The following BPTF variants were observed in gnomAD, a reference collection of about 807,000 sequenced individuals.
BPTF encodes the protein bromodomain PHD finger transcription factor.
Under a neutral mutation model 292.5 loss-of-function variants are expected in BPTF, and 18 were observed. The observed-to-expected ratio is 0.06, with a 90% confidence interval of 0.04 to 0.09. BPTF has a LOEUF of 0.09. BPTF is among the 10% of genes least tolerant of loss of function. The pLI, the probability that BPTF is intolerant of heterozygous loss-of-function variation, is 1.00. For synonymous variants in BPTF, 1,225 were observed against 1,251.9 expected, an observed-to-expected ratio of 0.98 and a Z score of 0.45; for missense variants, 2,726 against 3,498.7, an observed-to-expected ratio of 0.78 and a Z score of 5.57.
chr17:67,958,244 A>T (rs542415553), intron 23 of BPTF, among the ~76,000 whole-genome samples: 1 of 152,204 alleles, frequency 6.6e-6, no homozygotes, highest in South Asian at 2.1e-4. Context: ...AGGTGGGAGG[A>T]TCACTTGAGC....
chr17:67,860,721 CATTAT>C (rs1211725836), intron 2 of BPTF, among the ~76,000 whole-genome samples: 1 of 152,158 alleles, frequency 6.6e-6, no homozygotes, highest in Non-Finnish European at 1.5e-5. Flanking sequence ...GTGAACACAG[CATTAT>C]ATTTCATTTT....
intron 2 of BPTF, among the ~76,000 whole-genome samples, chr17:67,863,182 A>T (rs1193701126): frequency 2.0e-5 from 3 of 152,140 alleles, no homozygotes; most frequent in African/African-American, 7.2e-5. Context: ...TTTCAAAGAG[A>T]ATCTGTTCCA....
At chr17:67,838,879 A>G (rs2057339040) in intron 1 of BPTF, among the ~76,000 whole-genome samples, 1 of 152,280 alleles carries the variant, frequency 6.6e-6, no homozygotes, top group Non-Finnish European at 1.5e-5. Context: ...GTGTATAAAA[A>G]TACCTGCTCT....
chr17:67,918,909 A>C, intron 12 of BPTF, 71 bp downstream of exon 12: 1 of 1,518,178 alleles, frequency 6.6e-7, no homozygotes, highest in Non-Finnish European at 9.0e-7. Flanking sequence ...GTGGGCGCTC[A>C]TGCCTGTAAT....
chr17:67,954,849 G>T (rs562002777), intron 23 of BPTF, among the ~76,000 whole-genome samples: 1 of 152,282 alleles, frequency 6.6e-6, no homozygotes, highest in Admixed American at 6.5e-5. Flanking sequence ...AAGAAGTTCA[G>T]TCTCTCTCTA....
At chr17:67,846,149 T>G (rs7224923) in intron 1 of BPTF, among the ~76,000 whole-genome samples, 31,044 of 152,108 alleles carry the variant, frequency 0.2, 3,980 homozygotes, top group East Asian at 0.66. Context: ...ATAAAAGAAG[T>G]TATCCCATTA....
intron 4 of BPTF, chr17:67,886,327 A>G (rs1381893316): frequency 1.3e-6 from 2 of 1,543,428 alleles, no homozygotes; most frequent in African/African-American, 1.4e-5. Flanking sequence ...GTAAGAATAT[A>G]CTTCATCCAT....
chr17:67,892,533 G>A (rs1331835879), intron 5 of BPTF, among the ~76,000 whole-genome samples: 4 of 152,254 alleles, frequency 2.6e-5, no homozygotes, highest in East Asian at 3.9e-4. Context: ...GCTAGGACTC[G>A]GTATCTCTGT....
At chr17:67,958,938 C>T (rs1209208827) in intron 23 of BPTF, among the ~76,000 whole-genome samples, 1 of 151,850 alleles carries the variant, frequency 6.6e-6, no homozygotes, top group Non-Finnish European at 1.5e-5. Flanking sequence ...TTGACAAGAG[C>T]GAAACTGCAT....
chr17:67,965,745 C>T (rs1293671353), intron 25 of BPTF: 22 of 151,178 alleles, frequency 1.5e-4, no homozygotes, highest in African/African-American at 4.9e-4. Context: ...GCAGGATTAT[C>T]AAGTGATACA....
intron 7 of BPTF, among the ~76,000 whole-genome samples, chr17:67,899,607 T>A (rs964378008): frequency 6.6e-6 from 1 of 151,154 alleles, no homozygotes; most frequent in African/African-American, 2.4e-5. Context: ...CTCAGCTCAC[T>A]GCAACCTCCA....
At chr17:67,932,902 A>G (rs781689906) in intron 18 of BPTF, among the ~76,000 whole-genome samples, 9 of 152,180 alleles carry the variant, frequency 5.9e-5, no homozygotes, top group African/African-American at 1.4e-4. Flanking sequence ...ATAAAATTCA[A>G]TGTTTAATAA....
chr17:67,980,475 A>G (rs1371420368), intron 27 of BPTF, among the ~76,000 whole-genome samples: 1 of 152,224 alleles, frequency 6.6e-6, no homozygotes, highest in African/African-American at 2.4e-5. Flanking sequence ...ATGCTTTTTC[A>G]TTTGTACATC....
chr17:67,846,676 A>G (rs1450744182), intron 1 of BPTF, among the ~76,000 whole-genome samples: 1 of 152,176 alleles, frequency 6.6e-6, no homozygotes, highest in East Asian at 1.9e-4. Flanking sequence ...CTAATATAGT[A>G]GTAAAGACCA....
chr17:67,916,787 A>C (rs947184747), intron 11 of BPTF, among the ~76,000 whole-genome samples: 1 of 150,304 alleles, frequency 6.7e-6, no homozygotes, highest in African/African-American at 2.4e-5. Flanking sequence ...AAAAAAAAAG[A>C]AAGCATTGCC....
At chr17:67,827,526 G>A (rs1435480222) in intron 1 of BPTF, among the ~76,000 whole-genome samples, 1 of 152,042 alleles carries the variant, frequency 6.6e-6, no homozygotes, top group African/African-American at 2.4e-5. Flanking sequence ...TGCAAATCTA[G>A]ATTAATTAAA....
chr17:67,917,400 G>C (rs899134493), intron 11 of BPTF, among the ~76,000 whole-genome samples: 4 of 152,026 alleles, frequency 2.6e-5, no homozygotes, highest in Non-Finnish European at 5.9e-5. Flanking sequence ...TGGGATTACA[G>C]GTGTGAGCCA....
At chr17:67,884,138 C>CTTT (rs200471908) in intron 4 of BPTF, among the ~76,000 whole-genome samples, 35 of 134,470 alleles carry the variant, frequency 2.6e-4, no homozygotes, top group African/African-American at 7.3e-4. Flanking sequence ...CATTTTCTTT[C>CTTT]TTTTTTTTTT....
At chr17:67,884,876 T>C (rs2060651366) in intron 4 of BPTF, among the ~76,000 whole-genome samples, 1 of 152,222 alleles carries the variant, frequency 6.6e-6, no homozygotes, top group South Asian at 2.1e-4. Context: ...ATGTGTAATT[T>C]TCCCTTCGTG....
Sources: allele counts gnomAD v4.1 joint callset (sites outside exome capture counted in the v4.1 genomes callset), GRCh38; gene constraint gnomAD v4.1.1; transcripts MANE v1.5; gene names NCBI Gene and HGNC (gene_info 2026-07-23, HGNC 2026-07-21).